The following TPM4 variants were observed in gnomAD, a reference collection of about 807,000 sequenced individuals.
The protein encoded by TPM4 is tropomyosin 4.
Under a neutral mutation model 35.8 loss-of-function variants are expected in TPM4, and 17 were observed. The observed-to-expected ratio is 0.47, with a 90% CI of 0.32 to 0.71. The LOEUF is 0.71. TPM4 is among the 30% of genes least tolerant of loss of function. The pLI, the probability that TPM4 is intolerant of heterozygous loss-of-function variation, is 0.03. For synonymous variants in TPM4, 120 were observed against 122.9 expected, an observed-to-expected ratio of 0.98 and a Z score of 0.15; for missense variants, 240 against 320.9, an observed-to-expected ratio of 0.75 and a Z score of 1.93.
upstream of TPM4, among the ~76,000 whole-genome samples, chr19:16,074,006 T>C (rs1568298187): frequency 1.6e-5 from 1 of 63,540 alleles, no homozygotes; most frequent in African/African-American, 6.4e-5. Flanking sequence ...CAAGATCAGG[T>C]TAAAAAAAAA....
At chr19:16,079,993 C>T (rs1407198375) in intron 1 of TPM4, 3 of 181,138 alleles carry the variant, frequency 1.7e-5, no homozygotes, top group African/African-American at 2.4e-5. Context: ...TGAGCCACCG[C>T]GCCCGGCCTT....
intron 2 of TPM4, among the ~76,000 whole-genome samples, chr19:16,083,654 G>C (rs1568304763): frequency 7.0e-6 from 1 of 143,624 alleles, no homozygotes; most frequent in Admixed American, 6.7e-5. Flanking sequence ...AATGGTGTGG[G>C]CCCGACCAGT....
chr19:16,095,578 G>T, intron 7 of TPM4: 1 of 1,012,494 alleles, frequency 9.9e-7, no homozygotes, highest in Non-Finnish European at 1.2e-6. Context: ...CTTAACCATA[G>T]CCTGAAACAC....
At chr19:16,076,843 C>CT in intron 1 of TPM4, 146 bp downstream of exon 1, 3 of 1,252,602 alleles carry the variant, frequency 2.4e-6, no homozygotes, top group Non-Finnish European at 2.0e-6. Flanking sequence ...ACCCACATCC[C>CT]TGCGCCCGCA....
intron 5 of TPM4, among the ~76,000 whole-genome samples, chr19:16,091,603 C>T (rs1263260683): frequency 2.6e-5 from 4 of 151,972 alleles, no homozygotes; most frequent in Admixed American, 2.0e-4. Context: ...GGAGAGATCC[C>T]GTCTCTACCA....
chr19:16,072,234 C>A (rs1190082183), upstream of TPM4, among the ~76,000 whole-genome samples: 1 of 152,204 alleles, frequency 6.6e-6, no homozygotes, highest in Non-Finnish European at 1.5e-5. Context: ...TGGCCTCAGT[C>A]CCAGAACTGA....
Position 16,101,957 on chromosome 19 carries a change from ATGCT to A in TPM4, c.*614_*617del. On this transcript the variant is annotated 3_prime_UTR_variant, in exon 8 of 8. Transcript: ENST00000643579. ...CATCTTCTCAAGCAGTCAACGTAGAATGCTTGGGAAATAGTCATAATTACCCACA... is the reference window on the plus strand; with the variant it reads ...CATCTTCTCAAGCAGTCAACGTAGAATGGGAAATAGTCATAATTACCCACA... 4.5e-6 allele frequency: 1 copy of A among 222,452 alleles called. No homozygotes were observed. The highest frequency in any genetic ancestry group is 1.8e-4 in the South Asian group (1 of 5,436). The allele number at this position is 222,452 out of a possible 1,614,324, so 13.8% of individuals were successfully genotyped here.
chr19:16,086,427 A>G lies in TPM4; in HGVS notation c.271A>G (p.Met91Val). The change falls in exon 3 of 8, where the codon ATG (methionine) becomes GTG (valine). Residue 91 changes from methionine to valine, a missense_variant. Physicochemically the swap from Met to Val is conservative, Grantham distance 21. Transcript: ENST00000643579. ...EKAADESERGMKVIENRAMKD... is the reference protein window; with the variant it reads ...EKAADESERGVKVIENRAMKD... ...TGATGAGATTGCTCCTTGCAGAGGA[A>G]TGAAGGTGATAGAAAACCGGGCCAT... The G allele has an allele frequency of 6.2e-7, 1 of 1,612,482 alleles. No individual in the cohort carries two copies.
chr19:16,101,822 A>C lies in TPM4; in HGVS notation c.*476A>C, dbSNP rs2144970142. ...GGGTAGGGATTTTCCATCCAGAGCC[A>C]ATAAAAGGACTGGTGGGGGCCGGGG... On this transcript the variant is annotated 3_prime_UTR_variant, in exon 8 of 8. Coordinates refer to ENST00000643579, the MANE Select transcript of TPM4 (RefSeq NM_003290.3). 1 of 228,520 alleles carries C rather than the reference A, an allele frequency of 4.4e-6. No homozygotes were observed. The highest frequency in any genetic ancestry group is 6.3e-5 in the East Asian group (1 of 15,942). The allele number at this position is 228,520 out of a possible 1,614,324, so 14.2% of individuals were successfully genotyped here.
intron 2 of TPM4, among the ~76,000 whole-genome samples, chr19:16,069,357 GTGTA>G (rs1296956119): frequency 3.9e-5 from 6 of 152,166 alleles, no homozygotes; most frequent in African/African-American, 1.4e-4. Flanking sequence ...TTCTATTGGT[GTGTA>G]TGTGTGTGGA....
chr19:16,098,776 A>C (rs1322494095), intron 7 of TPM4, among the ~76,000 whole-genome samples: 1 of 152,084 alleles, frequency 6.6e-6, no homozygotes, highest in Non-Finnish European at 1.5e-5. Context: ...CCCCATCTCT[A>C]AAATTATTCA....
At chr19:16,099,115 T>C (rs987023701) in intron 7 of TPM4, among the ~76,000 whole-genome samples, 12 of 140,926 alleles carry the variant, frequency 8.5e-5, no homozygotes. Context: ...AGTCCCACTC[T>C]GTCACCCAGG....
intron 1 of TPM4, chr19:16,080,490 C>T (rs2090469441): frequency 5.2e-6 from 1 of 192,840 alleles, no homozygotes; most frequent in Admixed American, 6.1e-5. Context: ...GAGGAAGCAA[C>T]CTTCCCAACA....
chr19:16,083,007 A>G (rs1480893773), intron 2 of TPM4, among the ~76,000 whole-genome samples: 4 of 151,382 alleles, frequency 2.6e-5, no homozygotes, highest in African/African-American at 9.7e-5. Context: ...AAAAAAAAAA[A>G]AAAAAAAGCA....
chr19:16,069,613 T>C (rs957157231), intron 2 of TPM4, among the ~76,000 whole-genome samples: 5 of 147,422 alleles, frequency 3.4e-5, no homozygotes, highest in Non-Finnish European at 7.5e-5. Flanking sequence ...TGTGTTTCTG[T>C]TGCTGTGTGT....
chr19:16,069,788 G>T (rs2090338694), intron 2 of TPM4, among the ~76,000 whole-genome samples: 3 of 151,982 alleles, frequency 2.0e-5, no homozygotes, highest in African/African-American at 7.3e-5. Flanking sequence ...CGATTGGTGT[G>T]TGTGTGAATG....
At chr19:16,079,858 C>T (rs1461251394) in intron 1 of TPM4, 9 of 176,126 alleles carry the variant, frequency 5.1e-5, no homozygotes, top group South Asian at 4.0e-4. Context: ...TGCCCCCACA[C>T]CCAACTGATT....
At chr19:16,068,169 CGTGTGTGT>C (rs35984570) in intron 2 of TPM4, among the ~76,000 whole-genome samples, 10 of 148,686 alleles carry the variant, frequency 6.7e-5, no homozygotes, top group South Asian at 2.1e-4. Context: ...TGCATGTGTG[CGTGTGTGT>C]GTGTGTGTGT....
In TPM4 at chr19:16,101,477, G is replaced by C; in HGVS notation, c.*131G>C. The C allele has an allele frequency of 1.7e-6, 1 of 585,974 alleles. No individual in the cohort carries two copies. Among genetic ancestry groups the C allele is most frequent in the East Asian group, 3.2e-5 (1 of 31,598 alleles). 36.3% of individuals were successfully genotyped at this position (585,974 alleles called of 1,614,324 possible). On this transcript the variant is annotated 3_prime_UTR_variant, in exon 8 of 8. Transcript: ENST00000643579. ...AATGTCAAGCAAATTATGAATACAT[G>C]ACCAAATATTTTGTATCGGAGAAGC... is the stretch of plus-strand genomic sequence containing the variant.
Sources: gnomAD v4.1 joint callset for allele counts (sites outside exome capture counted in the v4.1 genomes callset) on GRCh38, gnomAD v4.1.1 for gene constraint, MANE v1.5 for transcripts, NCBI Gene and HGNC (gene_info 2026-07-23, HGNC 2026-07-21) for gene names.